The following EYA1 variants were observed in gnomAD, a reference collection of about 807,000 sequenced individuals.
EYA1 encodes the protein protein phosphatase EYA1.
A neutral mutation model predicts 82.0 loss-of-function variants in EYA1; 16 were observed. The ratio of observed to expected loss-of-function variants is 0.20; its 90% CI spans 0.13 to 0.30. The LOEUF is 0.30. Ranked by LOEUF, EYA1 falls within the 10% of genes least tolerant of loss-of-function variation. The pLI, the probability that EYA1 is intolerant of heterozygous loss-of-function variation, is 1.00. For missense variants in EYA1, 633 were observed against 730.7 expected, an observed-to-expected ratio of 0.87 and a Z score of 1.54; for synonymous variants, 261 against 264.4, an observed-to-expected ratio of 0.99 and a Z score of 0.12.
At chr8:71,306,372 T>A (rs900711545) in intron 7 of EYA1, among the ~76,000 whole-genome samples, 1 of 151,782 alleles carries the variant, frequency 6.6e-6, no homozygotes, top group Admixed American at 6.6e-5. Flanking sequence ...AATGGCAAAA[T>A]GCAAGAATCT....
chr8:71,288,452 G>A (rs1818633940), intron 9 of EYA1, among the ~76,000 whole-genome samples: 1 of 152,160 alleles, frequency 6.6e-6, no homozygotes, highest in African/African-American at 2.4e-5. Context: ...CCAATGGCAG[G>A]CTGTGCTGCT....
intron 2 of EYA1, among the ~76,000 whole-genome samples, chr8:71,394,534 T>C (rs28886315): frequency 0.21 from 31,738 of 152,108 alleles, 4,316 homozygotes; most frequent in African/African-American, 0.39. Context: ...CCCAGCACCA[T>C]TTATTAAATA....
chr8:71,503,601 A>G (rs1811977783), intron 2 of EYA1, among the ~76,000 whole-genome samples: 2 of 152,330 alleles, frequency 1.3e-5, no homozygotes, highest in African/African-American at 2.4e-5. Context: ...GTAATCTTTT[A>G]TGACATCGCC....
intron 12 of EYA1, among the ~76,000 whole-genome samples, chr8:71,242,966 G>T (rs936073590): frequency 2.8e-4 from 18 of 65,398 alleles, no homozygotes; most frequent in African/African-American, 5.5e-4. Flanking sequence ...TAATAGAGAC[G>T]GGGGTTTCTC....
At chr8:71,321,394 G>T (rs192505547) in intron 6 of EYA1, among the ~76,000 whole-genome samples, 2 of 152,276 alleles carry the variant, frequency 1.3e-5, no homozygotes, top group East Asian at 1.9e-4. Flanking sequence ...TACCCCAAAA[G>T]ACTTCATTCA....
At chr8:71,460,829 G>A (rs1053524556) in intron 2 of EYA1, among the ~76,000 whole-genome samples, 10 of 152,172 alleles carry the variant, frequency 6.6e-5, no homozygotes, top group Non-Finnish European at 1.5e-4. Context: ...AGCACCCCAG[G>A]CAATTCTGGT....
intron 6 of EYA1, among the ~76,000 whole-genome samples, chr8:71,317,941 T>A (rs1417618070): frequency 1.3e-5 from 2 of 152,228 alleles, no homozygotes; most frequent in African/African-American, 4.8e-5. Flanking sequence ...ATCCCTTCTA[T>A]AAAATGTAAC....
chr8:71,277,282 A>T (rs1244092567), intron 9 of EYA1, among the ~76,000 whole-genome samples: 1 of 151,838 alleles, frequency 6.6e-6, no homozygotes, highest in Non-Finnish European at 1.5e-5. Flanking sequence ...AGCAGCTAGG[A>T]CTACAGGCAC....
intron 7 of EYA1, among the ~76,000 whole-genome samples, chr8:71,308,042 G>A (rs893224968): frequency 6.6e-6 from 1 of 152,188 alleles, no homozygotes; most frequent in Non-Finnish European, 1.5e-5. Flanking sequence ...ATCATCATGT[G>A]AGATGGCTGA....
At chr8:71,249,729 A>C (rs961216305) in intron 11 of EYA1, among the ~76,000 whole-genome samples, 2 of 152,050 alleles carry the variant, frequency 1.3e-5, no homozygotes, top group African/African-American at 4.8e-5. Context: ...TTCAACCACC[A>C]CCCACTCCCC....
intron 1 of EYA1, among the ~76,000 whole-genome samples, chr8:71,545,624 C>T (rs1390704741): frequency 2.3e-5 from 3 of 131,718 alleles, no homozygotes; most frequent in Admixed American, 9.1e-5. Context: ...TGCAGTGGGG[C>T]GATCTCGGCT....
intron 2 of EYA1, among the ~76,000 whole-genome samples, chr8:71,479,511 G>T (rs7007922): frequency 0.63 from 95,515 of 151,232 alleles, 31,886 homozygotes; most frequent in African/African-American, 0.84. Flanking sequence ...GGAATTTATT[G>T]TTTGTCTGTA....
intron 2 of EYA1, among the ~76,000 whole-genome samples, chr8:71,458,489 A>T (rs1288538794): frequency 1.3e-5 from 2 of 152,078 alleles, no homozygotes; most frequent in African/African-American, 4.8e-5. Context: ...ATCACCAGCC[A>T]TATTCTATTA....
chr8:71,488,863 ATCTACATGCC>A (rs1408553439), intron 2 of EYA1, among the ~76,000 whole-genome samples: 1 of 152,240 alleles, frequency 6.6e-6, no homozygotes, highest in East Asian at 1.9e-4. Context: ...ATGAAGGCAG[ATCTACATGCC>A]TCTTCAACTG....
chr8:71,512,160 C>G (rs986126835), intron 2 of EYA1, among the ~76,000 whole-genome samples: 1 of 152,090 alleles, frequency 6.6e-6, no homozygotes, highest in African/African-American at 2.4e-5. Context: ...TGTAAAATGC[C>G]AACTCCAATT....
In EYA1 at chr8:71,384,102, T is replaced by G. The variant is rs1379755907; in HGVS notation, c.34-27591A>C. ...CCATATTCATAATCTTCTCTAGATCTTTAAGAACTTGTCCAATTTCCTAAC... is the reference window on the plus strand; with the variant it reads ...CCATATTCATAATCTTCTCTAGATCGTTAAGAACTTGTCCAATTTCCTAAC... On this transcript the variant is annotated intron_variant, in intron 2 of 18. Transcript: ENST00000643681. Among the ~76,000 whole-genome samples, 4 of 152,124 alleles carry G rather than the reference T, an allele frequency of 2.6e-5. No homozygotes were observed. The East Asian group carries it at 7.7e-4, about 29-fold the overall frequency.
At chr8:71,392,627 G>A (rs943909074) in intron 2 of EYA1, among the ~76,000 whole-genome samples, 2 of 152,142 alleles carry the variant, frequency 1.3e-5, no homozygotes, top group Admixed American at 6.5e-5. Context: ...GGTACTAAAT[G>A]ATAAATAATC....
intron 9 of EYA1, among the ~76,000 whole-genome samples, chr8:71,290,803 AAAAG>A (rs59515569): frequency 7.9e-5 from 12 of 151,232 alleles, no homozygotes; most frequent in Non-Finnish European, 1.3e-4. Context: ...CCTCTGGGAA[AAAAG>A]AAAGAAAGAA....
At chr8:71,248,041 T>C (rs745608117) in intron 11 of EYA1, among the ~76,000 whole-genome samples, 2 of 152,264 alleles carry the variant, frequency 1.3e-5, no homozygotes, top group African/African-American at 2.4e-5. Flanking sequence ...CGTTAATATA[T>C]AGCATACTTT....
Sources: allele counts gnomAD v4.1 joint callset (sites outside exome capture counted in the v4.1 genomes callset), GRCh38; gene constraint gnomAD v4.1.1; transcripts MANE v1.5; gene names NCBI Gene and HGNC (gene_info 2026-07-23, HGNC 2026-07-21).